Variants in TIAM1 observed in about 807,000 individuals in gnomAD.
TIAM1 encodes TIAM Rac1 associated GEF 1.
In TIAM1, 65 loss-of-function variants were observed where a neutral mutation model predicts 163.5. The ratio of observed to expected loss-of-function variants is 0.40; its 90% CI spans 0.33 to 0.49. The LOEUF is 0.49. TIAM1 is among the 20% of genes least tolerant of loss of function. The pLI is 0.77. For missense variants in TIAM1, 1,789 were observed against 2,044.7 expected (o/e 0.87, Z 2.41); for synonymous variants, 833 against 810.1 (o/e 1.03, Z -0.48).
intron 2 of TIAM1, among the ~76,000 whole-genome samples, chr21:31,429,836 T>C (rs2043936687): frequency 1.3e-5 from 2 of 151,016 alleles, no homozygotes; most frequent in South Asian, 4.2e-4. Flanking sequence ...CTACTCCACA[T>C]GTTACTTTTC....
At chr21:31,237,244 C>T (rs1217892961) in intron 6 of TIAM1, among the ~76,000 whole-genome samples, 3 of 152,154 alleles carry the variant, frequency 2.0e-5, no homozygotes, top group Non-Finnish European at 4.4e-5. Context: ...GTCTCTTCTA[C>T]CACAAGTCCA....
At chr21:31,335,077 C>T (rs975488755) in intron 2 of TIAM1, among the ~76,000 whole-genome samples, 1 of 152,140 alleles carries the variant, frequency 6.6e-6, no homozygotes, top group South Asian at 2.1e-4. Context: ...GCATCAGACC[C>T]AAGGCATCCA....
At chr21:31,265,264 T>C (rs2072694289) in intron 4 of TIAM1, among the ~76,000 whole-genome samples, 1 of 145,668 alleles carries the variant, frequency 6.9e-6, no homozygotes. Context: ...TGGAGCGAAG[T>C]CTCTTAGTTT....
chr21:31,482,579 G>A (rs182523892), intron 1 of TIAM1, among the ~76,000 whole-genome samples: 1 of 152,200 alleles, frequency 6.6e-6, no homozygotes, highest in African/African-American at 2.4e-5. Context: ...GGCAGTACCA[G>A]TTTGTTTTGT....
At chr21:31,551,983 C>G (rs1049218299) in intron 1 of TIAM1, among the ~76,000 whole-genome samples, 4 of 149,768 alleles carry the variant, frequency 2.7e-5, no homozygotes, top group African/African-American at 4.9e-5. Context: ...TGTTACAATA[C>G]TTTTCAAGAG....
At chr21:31,151,594 A>G (rs887584599) in intron 19 of TIAM1, among the ~76,000 whole-genome samples, 2 of 152,110 alleles carry the variant, frequency 1.3e-5, no homozygotes, top group East Asian at 1.9e-4. Flanking sequence ...AAAAACCACA[A>G]AAGGGCAGGA....
intron 2 of TIAM1, among the ~76,000 whole-genome samples, chr21:31,287,072 AT>A (rs1290512054): frequency 1.3e-5 from 2 of 152,212 alleles, no homozygotes; most frequent in African/African-American, 4.8e-5. Flanking sequence ...AAGAAACACT[AT>A]TTTTGACTCT....
rs866527967 is a variant in TIAM1 at position 31,210,614 on chromosome 21, G to C, written c.2218-399C>G. On this transcript the variant is annotated intron_variant, in intron 10 of 27. Coordinates refer to ENST00000541036, the MANE Select transcript of TIAM1 (RefSeq NM_001353694.2). ...AGAAAGAGAGAAAGAAGGAAGGAAG[G>C]GAGAAAGAAAGAAAGAAAGAAAGAA... Among the ~76,000 whole-genome samples, 39 of 48,522 alleles carry C rather than the reference G, an allele frequency of 8.0e-4. 1 individual carries two copies. Among genetic ancestry groups the C allele is most frequent in the Admixed American group, 1.2e-3 (5 of 4,066 alleles). 31.8% of individuals were successfully genotyped at this position (48,522 alleles called of 152,430 possible).
At chr21:31,387,195 C>CTCTCTTTTT (rs759122075) in intron 2 of TIAM1, among the ~76,000 whole-genome samples, 5 of 75,154 alleles carry the variant, frequency 6.7e-5, no homozygotes, top group African/African-American at 2.8e-4. Context: ...AGCTTATTCT[C>CTCTCTTTTT]TTTTTTTTTT....
chr21:31,198,101 C>T (rs1001998716), intron 12 of TIAM1, among the ~76,000 whole-genome samples: 1 of 152,128 alleles, frequency 6.6e-6, no homozygotes, highest in African/African-American at 2.4e-5. Context: ...GAGCCAAGGT[C>T]AATAACAAAA....
intron 20 of TIAM1, among the ~76,000 whole-genome samples, chr21:31,143,479 C>A (rs1001398268): frequency 6.6e-6 from 1 of 150,406 alleles, no homozygotes; most frequent in Non-Finnish European, 1.5e-5. Context: ...CACACACACA[C>A]GTATATTTTA....
At chr21:31,398,342 C>G (rs1203958643) in intron 2 of TIAM1, among the ~76,000 whole-genome samples, 3 of 152,078 alleles carry the variant, frequency 2.0e-5, no homozygotes, top group African/African-American at 7.2e-5. Context: ...TGTGGATAAG[C>G]TGGGCCTGGG....
chr21:31,314,835 A>G (rs1443753643), intron 2 of TIAM1, among the ~76,000 whole-genome samples: 1 of 152,146 alleles, frequency 6.6e-6, no homozygotes, highest in African/African-American at 2.4e-5. Context: ...CAGGACAAGG[A>G]TGCTTAGCAC....
At chr21:31,369,225 C>CAAAAAAAAAAAAAAAAAAAAA (rs67890846) in intron 2 of TIAM1, among the ~76,000 whole-genome samples, 1 of 121,108 alleles carries the variant, frequency 8.3e-6, no homozygotes, top group African/African-American at 3.4e-5. Context: ...GAATCCATCT[C>CAAAAAAAAAAAAAAAAAAAAA]AAAAAAAAAG....
chr21:31,189,274 C>G (rs559565598), intron 13 of TIAM1, among the ~76,000 whole-genome samples: 8 of 151,990 alleles, frequency 5.3e-5, no homozygotes, highest in African/African-American at 1.9e-4. Context: ...AGACTGGTCT[C>G]AAACTCCTGA....
At chr21:31,169,560 G>C (rs1231562677) in intron 15 of TIAM1, among the ~76,000 whole-genome samples, 1 of 152,106 alleles carries the variant, frequency 6.6e-6, no homozygotes, top group Non-Finnish European at 1.5e-5. Context: ...CCACGAAGGA[G>C]ACTTTAAGAC....
In TIAM1 at chr21:31,423,756, G is replaced by T. The variant is rs1389909884; in HGVS notation, c.-369+40227C>A. 3.0e-5 allele frequency among the ~76,000 whole-genome samples: 3 copies of T among 101,646 alleles called. No individual in the cohort carries two copies. In the East Asian group the frequency reaches 9.5e-4, roughly 32 times the overall value. The allele number at this position is 101,646 out of a possible 152,430, so 66.7% of individuals were successfully genotyped here. On this transcript the variant is annotated intron_variant, in intron 2 of 28. Coordinates refer to the TIAM1 transcript ENST00000286827. ...CTTGAAAACATTATGCTACGTGAAA[G>T]AAGCCAGTCACAAAAGACCACACAT...
intron 2 of TIAM1, 136 bp from the exon 3 acceptor site, chr21:31,277,044 C>T (rs1354782349): frequency 2.0e-5 from 3 of 152,198 alleles, no homozygotes; most frequent in South Asian, 2.1e-4. Context: ...CTGTCAGAGA[C>T]GTTTGAACCA....
intron 1 of TIAM1, among the ~76,000 whole-genome samples, chr21:31,471,191 C>T (rs1427723465): frequency 6.6e-6 from 1 of 152,200 alleles, no homozygotes; most frequent in East Asian, 1.9e-4. Context: ...ACAGGAAATG[C>T]CCAGGTGGGC....
Sources: allele counts gnomAD v4.1 joint callset (sites outside exome capture counted in the v4.1 genomes callset), GRCh38; gene constraint gnomAD v4.1.1; transcripts MANE v1.5; gene names NCBI Gene and HGNC (gene_info 2026-07-23, HGNC 2026-07-21).